The following IGFL2 variants were observed in gnomAD, a reference collection of about 807,000 sequenced individuals.
IGFL2 encodes the protein insulin growth factor-like family member 2.
A neutral mutation model predicts 13.9 loss-of-function variants in IGFL2; 7 were observed. That is an observed-to-expected ratio of 0.51 (90% CI 0.29 to 0.95). The LOEUF is 0.95. Among genes scored for constraint, IGFL2 ranks in the 40% least tolerant of loss-of-function variants. IGFL2 has a pLI of 0.08. For synonymous variants in IGFL2, 55 were observed against 55.8 expected, an observed-to-expected ratio of 0.99 and a Z score of 0.07; for missense variants, 138 against 147.8, an observed-to-expected ratio of 0.93 and a Z score of 0.34.
the IGFL2 span, chr19:46,113,014 T>C: frequency 6.6e-6 from 1 of 152,174 alleles, no homozygotes; most frequent in South Asian, 2.1e-4. Context: ...ATTAATAAAT[T>C]GAGAGAGAAT....
At chr19:46,150,717 C>G (rs1489942755) in intron 1 of IGFL2, among the ~76,000 whole-genome samples, 1 of 152,162 alleles carries the variant, frequency 6.6e-6, no homozygotes, top group Non-Finnish European at 1.5e-5. Context: ...GATGCCCAGT[C>G]TGGAGTGCAG....
At chr19:46,176,057 G>A in the IGFL2 span, among the ~76,000 whole-genome samples, 4 of 118,142 alleles carry the variant, frequency 3.4e-5, no homozygotes, top group Non-Finnish European at 4.9e-5. Flanking sequence ...GTTTCACCAC[G>A]TTGGTCAGGC....
chr19:46,207,511 A>G, the IGFL2 span: 1 of 152,028 alleles, frequency 6.6e-6, no homozygotes, highest in Non-Finnish European at 1.5e-5. Flanking sequence ...CCTCCCGAGT[A>G]GCTGGGATTA....
the IGFL2 span, among the ~76,000 whole-genome samples, chr19:46,125,921 C>G: frequency 6.6e-6 from 1 of 152,112 alleles, no homozygotes; most frequent in Non-Finnish European, 1.5e-5. Flanking sequence ...GAAACTTCAG[C>G]TTTACTATTG....
At chr19:46,135,644 G>T in the IGFL2 span, among the ~76,000 whole-genome samples, 2 of 152,196 alleles carry the variant, frequency 1.3e-5, no homozygotes, top group African/African-American at 4.8e-5. Flanking sequence ...ATAGCAAGTT[G>T]ACCTCCATTC....
At chr19:46,214,840 T>TA in the IGFL2 span, 6 of 151,660 alleles carry the variant, frequency 4.0e-5, no homozygotes, top group Non-Finnish European at 8.8e-5. Flanking sequence ...TTTGAGAAAT[T>TA]ACTGGGTCAT....
chr19:46,200,673 G>A, the IGFL2 span: 2 of 150,974 alleles, frequency 1.3e-5, no homozygotes, highest in East Asian at 1.9e-4. Context: ...GTGCCACCAT[G>A]CCCAGCTTTT....
At chr19:46,113,316 G>A in the IGFL2 span, 2 of 288,162 alleles carry the variant, frequency 6.9e-6, no homozygotes, top group African/African-American at 2.3e-5. Context: ...ATGCCATTTT[G>A]TTCATAGCCT....
At chr19:46,107,787 T>C in the IGFL2 span, among the ~76,000 whole-genome samples, 1 of 152,156 alleles carries the variant, frequency 6.6e-6, no homozygotes, top group African/African-American at 2.4e-5. Flanking sequence ...AAAATGCATA[T>C]TGAGAATAAG....
chr19:46,081,399 T>G, the IGFL2 span, among the ~76,000 whole-genome samples: 8 of 152,224 alleles, frequency 5.3e-5, no homozygotes, highest in African/African-American at 1.9e-4. Flanking sequence ...ACCAGAAAAC[T>G]AATACTGACA....
At chr19:46,207,547 A>T in the IGFL2 span, 1 of 152,064 alleles carries the variant, frequency 6.6e-6, no homozygotes, top group East Asian at 1.9e-4. Flanking sequence ...ATGCCCAGCT[A>T]ATTTTTGTAT....
At chr19:46,096,233 C>G in the IGFL2 span, among the ~76,000 whole-genome samples, 1 of 152,098 alleles carries the variant, frequency 6.6e-6, no homozygotes, top group Admixed American at 6.6e-5. Flanking sequence ...AGGGGTTCTT[C>G]ACATCCCTTG....
At chr19:46,190,989 C>T in the IGFL2 span, among the ~76,000 whole-genome samples, 1 of 152,016 alleles carries the variant, frequency 6.6e-6, no homozygotes, top group Non-Finnish European at 1.5e-5. Context: ...CCCTCAGGCC[C>T]CTCAGTATGC....
intron 1 of IGFL2, among the ~76,000 whole-genome samples, chr19:46,155,956 C>T (rs1050318369): frequency 1.3e-5 from 2 of 152,038 alleles, no homozygotes; most frequent in Non-Finnish European, 2.9e-5. Context: ...TATTGGCTAT[C>T]TTGTCATTTT....
At chr19:46,181,738 C>T in the IGFL2 span, among the ~76,000 whole-genome samples, 6 of 152,198 alleles carry the variant, frequency 3.9e-5, no homozygotes, top group Non-Finnish European at 7.3e-5. Context: ...CTTGGAGAGA[C>T]GGGTTTGAGG....
the IGFL2 span, chr19:46,113,489 C>A: frequency 2.8e-6 from 1 of 355,076 alleles, no homozygotes; most frequent in Non-Finnish European, 5.7e-6. Context: ...TTGTGGAAGC[C>A]ATAAAGGGAG....
the IGFL2 span, among the ~76,000 whole-genome samples, chr19:46,101,671 G>T: frequency 6.6e-6 from 1 of 152,246 alleles, no homozygotes; most frequent in Non-Finnish European, 1.5e-5. Context: ...TGGGAGCTCA[G>T]ACGTCGTAAG....
the IGFL2 span, among the ~76,000 whole-genome samples, chr19:46,098,633 C>T: frequency 6.6e-6 from 1 of 152,052 alleles, no homozygotes. Context: ...TGCATGCCAC[C>T]ATGCCTGGCT....
chr19:46,114,862 T>G, the IGFL2 span, among the ~76,000 whole-genome samples: 1 of 152,212 alleles, frequency 6.6e-6, no homozygotes. Flanking sequence ...ACAGGTGCTT[T>G]TTGAAAATGC....
Sources: gnomAD v4.1 joint callset for allele counts (sites outside exome capture counted in the v4.1 genomes callset) on GRCh38, gnomAD v4.1.1 for gene constraint, MANE v1.5 for transcripts, NCBI Gene and HGNC (gene_info 2026-07-23, HGNC 2026-07-21) for gene names.